The following ZZZ3 variants were observed in gnomAD, a reference collection of about 807,000 sequenced individuals.
ZZZ3 encodes ZZ-type zinc finger-containing protein 3.
A neutral mutation model predicts 95.2 loss-of-function variants in ZZZ3; 22 were observed. That is an observed-to-expected ratio of 0.23 (90% CI 0.17 to 0.33). ZZZ3 has a LOEUF of 0.33. Ranked by LOEUF, ZZZ3 falls within the 10% of genes least tolerant of loss-of-function variation. ZZZ3 has a pLI of 1.00. For missense variants in ZZZ3, 885 were observed against 1,066.5 expected, an observed-to-expected ratio of 0.83 and a Z score of 2.37; for synonymous variants, 335 against 358.9, an observed-to-expected ratio of 0.93 and a Z score of 0.75.
At chr1:77,657,843 A>C (rs1310045154) in intron 1 of ZZZ3, among the ~76,000 whole-genome samples, 1 of 152,232 alleles carries the variant, frequency 6.6e-6, no homozygotes, top group African/African-American at 2.4e-5. Context: ...TCCACAATAT[A>C]AAGTACAAAT....
At chr1:77,669,171 C>T (rs1017165052) in intron 1 of ZZZ3, among the ~76,000 whole-genome samples, 39 of 152,146 alleles carry the variant, frequency 2.6e-4, no homozygotes, top group African/African-American at 9.2e-4. Flanking sequence ...CAGAAACACA[C>T]AGTAGTTTTC....
chr1:77,652,991 A>G (rs1446253815), intron 1 of ZZZ3, among the ~76,000 whole-genome samples: 4 of 152,170 alleles, frequency 2.6e-5, no homozygotes, highest in East Asian at 1.9e-4. Flanking sequence ...GTTCGAGACC[A>G]TCTTGGGCAA....
At chr1:77,609,919 T>C (rs1665616162) in intron 5 of ZZZ3, among the ~76,000 whole-genome samples, 1 of 151,834 alleles carries the variant, frequency 6.6e-6, no homozygotes, top group Non-Finnish European at 1.5e-5. Context: ...TAGGTATCAG[T>C]GCCAACATAA....
chr1:77,642,940 T>C (rs1464794291), intron 1 of ZZZ3, among the ~76,000 whole-genome samples: 1 of 152,040 alleles, frequency 6.6e-6, no homozygotes, highest in Non-Finnish European at 1.5e-5. Flanking sequence ...TAAAACTATA[T>C]AAGTAACACC....
At chr1:77,592,625 G>A (rs781293178) in intron 5 of ZZZ3, among the ~76,000 whole-genome samples, 1 of 151,970 alleles carries the variant, frequency 6.6e-6, no homozygotes, top group Non-Finnish European at 1.5e-5. Context: ...AAATTATCAA[G>A]CATGCAAGAA....
intron 1 of ZZZ3, among the ~76,000 whole-genome samples, chr1:77,658,526 T>TC (rs1553181023): frequency 1.0e-4 from 15 of 148,322 alleles, no homozygotes; most frequent in Non-Finnish European, 2.2e-4. Flanking sequence ...TTTTTTTTTT[T>TC]TTCTTCTTCT....
intron 1 of ZZZ3, among the ~76,000 whole-genome samples, chr1:77,655,669 T>A (rs554629636): frequency 1.3e-5 from 2 of 152,322 alleles, no homozygotes; most frequent in East Asian, 1.9e-4. Flanking sequence ...CTCCTTCAGG[T>A]AGCAACAAAT....
intron 5 of ZZZ3, among the ~76,000 whole-genome samples, chr1:77,627,461 C>T (rs761277032): frequency 6.6e-6 from 1 of 152,114 alleles, no homozygotes; most frequent in South Asian, 2.1e-4. Flanking sequence ...TAAAAGTAGA[C>T]TCTCAATAAG....
chr1:77,612,180 T>C (rs558717462), intron 5 of ZZZ3, among the ~76,000 whole-genome samples: 10 of 152,054 alleles, frequency 6.6e-5, no homozygotes, highest in African/African-American at 2.2e-4. Context: ...TCAATGGGTA[T>C]ATGAAAAGGT....
At position 77,633,246 on chromosome 1, in the gene ZZZ3, C is replaced by T; in HGVS notation, c.109G>A (p.Glu37Lys). 6.2e-7 allele frequency: 1 copy of T among 1,614,084 alleles called. No individual in the cohort carries two copies. Among genetic ancestry groups the T allele is most frequent in the Non-Finnish European group, 8.5e-7 (1 of 1,179,984 alleles). The part of the protein sequence containing the change: ...TLRNRSIAHP[E>K]EISSNSQVRS... ...ACTTGAGAATTAGAAGAGATTTCTT[C>T]AGGATGCGCAATGCTACGATTCCTT... Residue 37 changes from glutamate (E) to lysine (K), a missense_variant, in exon 5 of 15, where the codon GAA becomes AAA. By Grantham distance (56) the Glu-to-Lys change is moderately conservative. Around this residue, in one of 5 missense-constraint regions of ZZZ3, gnomAD observed 556 missense variants for 652.9 expected, o/e 0.85. Transcript: ENST00000370801.
intron 5 of ZZZ3, among the ~76,000 whole-genome samples, chr1:77,587,480 G>A (rs533686081): frequency 6.6e-6 from 1 of 152,166 alleles, no homozygotes; most frequent in East Asian, 1.9e-4. Context: ...TAGCCAGGAT[G>A]TTCTCGATCT....
intron 6 of ZZZ3, among the ~76,000 whole-genome samples, chr1:77,584,164 G>T (rs1020038515): frequency 1.3e-5 from 2 of 152,098 alleles, no homozygotes; most frequent in African/African-American, 4.8e-5. Context: ...CAATTCTGAA[G>T]TACTTTTTTC....
chr1:77,567,009 G>A (rs757867644), intron 13 of ZZZ3, among the ~76,000 whole-genome samples: 46 of 152,130 alleles, frequency 3.0e-4, no homozygotes, highest in Non-Finnish European at 6.5e-4. Flanking sequence ...AATCTCTATT[G>A]GAGAAACAGG....
intron 5 of ZZZ3, among the ~76,000 whole-genome samples, chr1:77,617,111 C>T (rs1434742421): frequency 6.6e-6 from 1 of 152,152 alleles, no homozygotes; most frequent in Non-Finnish European, 1.5e-5. Flanking sequence ...TCCCCCCACG[C>T]TTTAGTTTCA....
At chr1:77,618,057 A>G (rs7555864) in intron 5 of ZZZ3, among the ~76,000 whole-genome samples, 4,011 of 152,222 alleles carry the variant, frequency 0.026, 56 homozygotes, top group Middle Eastern at 0.078. Flanking sequence ...TTACCCTGCA[A>G]CCAGCAATGT....
chr1:77,652,213 T>A (rs946081602), intron 1 of ZZZ3, among the ~76,000 whole-genome samples: 2 of 152,132 alleles, frequency 1.3e-5, no homozygotes, highest in Non-Finnish European at 2.9e-5. Flanking sequence ...AGAAAATATT[T>A]GTAATTATCT....
chr1:77,633,362 C>A lies in ZZZ3; in HGVS notation c.-8G>T. ...AGATCGGGAAGCAGCCATACTATGG[C>A]AAGTCCCTACAATACGGTCATCATG... On this transcript the variant is annotated 5_prime_UTR_variant, in exon 5 of 15. Coordinates refer to ENST00000370801, the MANE Select transcript of ZZZ3 (RefSeq NM_015534.6). 1 of 1,585,832 alleles carries A rather than the reference C, an allele frequency of 6.3e-7. No individual in the cohort carries two copies. Among genetic ancestry groups the A allele is most frequent in the South Asian group, 1.2e-5 (1 of 85,466 alleles).
intron 5 of ZZZ3, among the ~76,000 whole-genome samples, chr1:77,623,181 T>C (rs1667039322): frequency 2.0e-5 from 3 of 152,180 alleles, no homozygotes. Context: ...TCTTTCTACT[T>C]GGAAGTACTG....
At chr1:77,589,600 G>A (rs1039684237) in intron 5 of ZZZ3, among the ~76,000 whole-genome samples, 4 of 151,776 alleles carry the variant, frequency 2.6e-5, no homozygotes, top group Admixed American at 6.6e-5. Context: ...CATTCCCAGC[G>A]AATTTTGTTC....
Sources: gnomAD v4.1 joint callset for allele counts (sites outside exome capture counted in the v4.1 genomes callset) on GRCh38, gnomAD v4.1.1 for gene constraint, gnomAD v4.1.1 regional missense constraint, MANE v1.5 for transcripts, NCBI Gene and HGNC (gene_info 2026-07-23, HGNC 2026-07-21) for gene names.